TEN1: variants seen among roughly 807,000 people sequenced by gnomAD.
TEN1 encodes TEN1 subunit of CST complex, also known as CST complex subunit TEN1.
Under a neutral mutation model 9.3 loss-of-function variants are expected in TEN1, and 6 were observed. The observed-to-expected ratio is 0.65, with a 90% confidence interval of 0.35 to 1.27. The LOEUF is 1.27. Ranked by LOEUF, TEN1 falls within the 50% of genes most tolerant of loss-of-function variation. The pLI is 0.03. For synonymous variants in TEN1, 65 were observed against 65.6 expected (o/e 0.99, Z 0.04); for missense variants, 149 against 158.2 (o/e 0.94, Z 0.31).
In TEN1 at chr17:75,979,436, T is replaced by G. The variant is rs549411141; in HGVS notation, c.-82T>G. The G allele has an allele frequency of 4.8e-5, 18 of 378,876 alleles. No individual in the cohort carries two copies. Among genetic ancestry groups the G allele is most frequent in the African/African-American group, 3.4e-4 (16 of 47,470 alleles). The allele number at this position is 378,876 out of a possible 1,614,324, so 23.5% of individuals were successfully genotyped here. A position where few individuals can be genotyped will look rare whatever the true frequency, so the allele number is the denominator to read the frequency against. On this transcript the variant is annotated 5_prime_UTR_variant, in exon 1 of 4. Transcript: ENST00000397640. ...GAGTGGGAAAATAAAGCACTTTTTG[T>G]ATCCCGCCCCTCCCCCGTCACGTGA... is the stretch of plus-strand genomic sequence containing the variant.
chr17:75,996,346 G>A (rs772707525), intron 3 of TEN1, among the ~76,000 whole-genome samples: 25 of 152,094 alleles, frequency 1.6e-4, no homozygotes, highest in Non-Finnish European at 2.4e-4. Flanking sequence ...TTAGCTGAGC[G>A]TGGTGGCACA....
intron 3 of TEN1, among the ~76,000 whole-genome samples, chr17:75,999,330 C>A (rs568122124): frequency 1.8e-4 from 28 of 152,106 alleles, no homozygotes; most frequent in Admixed American, 1.4e-3. Context: ...GACAGAGCAA[C>A]ACCCTGTCTC....
chr17:75,991,694 G>A, intron 3 of TEN1, 71 bp downstream of exon 3: 4 of 1,495,662 alleles, frequency 2.7e-6, no homozygotes, highest in Non-Finnish European at 3.6e-6. Context: ...GGCAGTCAGT[G>A]AGAAATGGGC....
chr17:75,979,423 A>C lies in TEN1; in HGVS notation c.-95A>C. 2.4e-6 allele frequency: 1 copy of C among 424,078 alleles called. No individual in the cohort carries two copies. The highest frequency in any genetic ancestry group is 2.2e-5 in the South Asian group (1 of 46,338). The allele number at this position is 424,078 out of a possible 1,614,324, so 26.3% of individuals were successfully genotyped here. On this transcript the variant is annotated 5_prime_UTR_variant, in exon 1 of 4. It removes the in-frame stop codon of an upstream open reading frame in the 5' UTR. Coordinates refer to ENST00000397640, the MANE Select transcript of TEN1 (RefSeq NM_001113324.3). ...CTGGGCGTCCGGGGAGTGGGAAAATAAAGCACTTTTTGTATCCCGCCCCTC... is the reference window on the plus strand; with the variant it reads ...CTGGGCGTCCGGGGAGTGGGAAAATCAAGCACTTTTTGTATCCCGCCCCTC...
intron 2 of TEN1, among the ~76,000 whole-genome samples, chr17:75,990,251 G>A (rs2066176993): frequency 6.7e-6 from 1 of 149,344 alleles, no homozygotes; most frequent in Admixed American, 6.7e-5. Flanking sequence ...GTTTCAACAT[G>A]TTGCCCAGGT....
chr17:75,994,097 T>C (rs558167263), intron 3 of TEN1, among the ~76,000 whole-genome samples: 1 of 152,098 alleles, frequency 6.6e-6, no homozygotes, highest in African/African-American at 2.4e-5. Flanking sequence ...TTTAGTACTC[T>C]TATAATTTGC....
chr17:75,982,164 C>T (rs139700355), intron 1 of TEN1, among the ~76,000 whole-genome samples: 1 of 152,330 alleles, frequency 6.6e-6, no homozygotes, highest in Non-Finnish European at 1.5e-5. Context: ...CAGAGAGGGT[C>T]CTCCCCCACA....
intron 3 of TEN1, among the ~76,000 whole-genome samples, chr17:75,997,544 C>T (rs896023445): frequency 6.6e-6 from 1 of 152,124 alleles, no homozygotes; most frequent in African/African-American, 2.4e-5. Context: ...AAACGGCCAC[C>T]GTTAGCTCCT....
chr17:75,991,615 A>G lies in TEN1; in HGVS notation c.242A>G (p.His81Arg), dbSNP rs1322757890. ...SLYIVLGELQHQQDRGSVVKA... is the reference protein window; with the variant it reads ...SLYIVLGELQRQQDRGSVVKA... Reference sequence around the variant, plus strand: ...TACATCGTCCTCGGGGAGCTCCAGCATCAGCAGGGTGAGCTGCAGCCTCAG... The same window carrying G: ...TACATCGTCCTCGGGGAGCTCCAGCGTCAGCAGGGTGAGCTGCAGCCTCAG... The change falls in exon 3 of 4, where the codon CAT becomes CGT. Residue 81 changes from histidine (H) to arginine (R), a missense_variant. By Grantham distance (29) the His-to-Arg change is conservative. Coordinates refer to ENST00000397640, the MANE Select transcript of TEN1 (RefSeq NM_001113324.3). The G allele has an allele frequency of 6.4e-7, 1 of 1,551,562 alleles. No individual in the cohort carries two copies. Among genetic ancestry groups the G allele is most frequent in the Non-Finnish European group, 8.7e-7 (1 of 1,146,894 alleles).
intron 1 of TEN1, among the ~76,000 whole-genome samples, chr17:75,981,950 C>A (rs987004540): frequency 6.6e-6 from 1 of 152,094 alleles, no homozygotes; most frequent in Non-Finnish European, 1.5e-5. Flanking sequence ...TCGCTTGAAC[C>A]GGGGAGGCAG....
chr17:75,997,518 C>G (rs1311122018), intron 3 of TEN1, among the ~76,000 whole-genome samples: 1 of 151,874 alleles, frequency 6.6e-6, no homozygotes, highest in Non-Finnish European at 1.5e-5. Flanking sequence ...AAACGGCCAC[C>G]GACCATCAGA....
rs1349309179 is a variant in TEN1, at chr17:76,000,529, G to A, written c.*267G>A. The A allele has an allele frequency of 1.3e-5, 6 of 462,060 alleles. No individual in the cohort carries two copies. In the East Asian group the frequency reaches 2.0e-4, roughly 16 times the overall value. The allele number at this position is 462,060 out of a possible 1,614,324, so 28.6% of individuals were successfully genotyped here. ...GCGCCGGGGCCGTGCTTGGTGTGGG[G>A]CCATGGAGGGTTCCAGAAGGTCCTG... On this transcript the variant is annotated 3_prime_UTR_variant, in exon 4 of 4. Coordinates refer to ENST00000397640, the MANE Select transcript of TEN1 (RefSeq NM_001113324.3). The surrounding 1 kb of genome is among the most constrained non-coding windows in gnomAD (Gnocchi z 5.9).
Position 76,000,132 on chromosome 17 carries a change from G to T in TEN1, c.251-9G>T. On this transcript the variant is annotated splice_polypyrimidine_tract_variant and intron_variant, in intron 3 of 3. Transcript: ENST00000397640. This position sits in a 1 kb window ranked among gnomAD's most constrained non-coding sequence, Gnocchi z 5.9. The stretch of plus-strand genomic sequence containing the variant: ...AGTCGCCGTTCGTGCCCTGGTGTTT[G>T]TCTTGCAGACAGAGGCTCCGTGGTG... 1.9e-6 allele frequency: 3 copies of T among 1,550,580 alleles called. No homozygotes were observed. The highest frequency in any genetic ancestry group is 2.4e-5 in the East Asian group (1 of 40,888).
At chr17:75,991,158 A>AG (rs2066182889) in intron 2 of TEN1, among the ~76,000 whole-genome samples, 1 of 150,930 alleles carries the variant, frequency 6.6e-6, no homozygotes, top group South Asian at 2.1e-4. Flanking sequence ...TCAAAAAAAA[A>AG]AAAAAAAAAA....
intron 1 of TEN1, among the ~76,000 whole-genome samples, chr17:75,981,975 C>T (rs1235286827): frequency 1.3e-5 from 2 of 152,146 alleles, no homozygotes; most frequent in Middle Eastern, 3.4e-3. Context: ...TGCAGTGAGC[C>T]GAGATTGCAC....
At chr17:75,993,660 G>A (rs750118480) in intron 3 of TEN1, among the ~76,000 whole-genome samples, 9 of 152,136 alleles carry the variant, frequency 5.9e-5, no homozygotes, top group Non-Finnish European at 1.0e-4. Context: ...TGAGTCATGA[G>A]GAAGACACAC....
At chr17:75,989,472 C>T (rs2066172398) in intron 2 of TEN1, among the ~76,000 whole-genome samples, 1 of 151,256 alleles carries the variant, frequency 6.6e-6, no homozygotes, top group African/African-American at 2.4e-5. Context: ...AGTGCAGTGG[C>T]GTGAGCTTGG....
chr17:75,986,401 T>G, intron 2 of TEN1, 117 bp downstream of exon 2: 1 of 1,048,094 alleles, frequency 9.5e-7, no homozygotes, highest in South Asian at 1.9e-5. Flanking sequence ...TATGTTAAAA[T>G]ACTAAAAAAA....
At chr17:75,992,224 A>C (rs1290666883) in intron 3 of TEN1, among the ~76,000 whole-genome samples, 1 of 133,662 alleles carries the variant, frequency 7.5e-6, no homozygotes, top group African/African-American at 2.4e-5. Context: ...CTGAGTCTTA[A>C]AAATTTTTTT....
Sources: gnomAD v4.1 joint callset for allele counts (sites outside exome capture counted in the v4.1 genomes callset) on GRCh38, gnomAD v4.1.1 for gene constraint, Gnocchi (gnomAD v3.1) non-coding constraint, MANE v1.5 for transcripts, NCBI Gene and HGNC (gene_info 2026-07-23, HGNC 2026-07-21) for gene names.